Variants in TNNT3 observed in about 807,000 individuals in gnomAD.
The protein encoded by TNNT3 is troponin T, fast skeletal muscle.
In TNNT3, 36 loss-of-function variants were observed where a neutral mutation model predicts 54.2. That is an observed-to-expected ratio of 0.66 (90% CI 0.51 to 0.88). The LOEUF (loss-of-function observed/expected upper bound fraction) is 0.88. Ranked by LOEUF, TNNT3 falls within the 40% of genes least tolerant of loss-of-function variation. The probability of loss-of-function intolerance (pLI) is 0.00; values close to 1 mark genes in which losing one functional copy is unlikely to be tolerated. For missense variants in TNNT3, 291 were observed against 331.6 expected (o/e 0.88, Z 0.95); for synonymous variants, 120 against 109.7 (o/e 1.09, Z -0.59).
intron 7 of TNNT3, among the ~76,000 whole-genome samples, chr11:1,929,427 C>T (rs72846734): frequency 0.033 from 5,035 of 152,306 alleles, 121 homozygotes; most frequent in East Asian, 0.11. Context: ...GGGCCGGGCA[C>T]GCCCCCCTCC....
chr11:1,923,000 C>A, intron 2 of TNNT3, 48 bp from the exon 3 acceptor site: 5 of 1,613,702 alleles, frequency 3.1e-6, no homozygotes, highest in South Asian at 1.1e-5. Context: ...CAAAGCCCAG[C>A]CTCACTACCT....
At chr11:1,936,812 G>T in intron 14 of TNNT3, 151 bp from the exon 15 acceptor site, 1 of 778,324 alleles carries the variant, frequency 1.3e-6, no homozygotes, top group South Asian at 1.5e-5. Flanking sequence ...AAGGAGCCAG[G>T]AGACAGTAAG....
chr11:1,936,864 G>A (rs557390516), intron 14 of TNNT3, 99 bp from the exon 15 acceptor site: 23 of 1,310,170 alleles, frequency 1.8e-5, no homozygotes, highest in South Asian at 1.3e-4. Context: ...GCCCTGGGTC[G>A]CGCAGCCCAG....
chr11:1,934,886 GT>G lies in TNNT3; in HGVS notation c.651del (p.Phe217LeufsTer5). The part of the protein sequence containing the change: ...LHQLEIDKFE[F>X]GEKLKRQKYD... ...ACCAGCTGGAGATTGACAAGTTCGA[GT>G]TTGGGGAGAAGCTGAAACGCCAGAA... On this transcript the variant is annotated frameshift_variant, in exon 14 of 16. Coordinates refer to ENST00000278317, the MANE Select transcript of TNNT3 (RefSeq NM_006757.4). LOFTEE classifies it high-confidence loss of function. 6.2e-7 allele frequency: 1 copy of G among 1,613,664 alleles called. No individual in the cohort carries two copies. Among genetic ancestry groups the G allele is most frequent in the South Asian group, 1.1e-5 (1 of 91,092 alleles).
At chr11:1,934,259 G>T (rs557509015) in intron 11 of TNNT3, 73 bp from the exon 12 acceptor site, 17 of 1,394,988 alleles carry the variant, frequency 1.2e-5, no homozygotes, top group African/African-American at 2.8e-5. Flanking sequence ...GCCCAGGGTG[G>T]GTCCCTAAAG....
chr11:1,936,194 A>G, intron 14 of TNNT3: 1 of 1,613,760 alleles, frequency 6.2e-7, no homozygotes, highest in East Asian at 2.2e-5. Context: ...CCAGCCTTGT[A>G]ACCATCTTGG....
At chr11:1,922,096 G>A (rs1164691447) in intron 1 of TNNT3, among the ~76,000 whole-genome samples, 2 of 151,652 alleles carry the variant, frequency 1.3e-5, no homozygotes, top group Admixed American at 6.5e-5. Flanking sequence ...CTTGTACAGA[G>A]CCCGGCCCGG....
At chr11:1,936,340 C>T (rs1274240363) in intron 14 of TNNT3, 13 of 1,471,444 alleles carry the variant, frequency 8.8e-6, no homozygotes, top group Non-Finnish European at 5.7e-6. Flanking sequence ...AAACCTGGAT[C>T]GCTCAGGATG....
chr11:1,920,700 A>G (rs2058860537), intron 1 of TNNT3, among the ~76,000 whole-genome samples: 1 of 152,094 alleles, frequency 6.6e-6, no homozygotes, highest in Non-Finnish European at 1.5e-5. Flanking sequence ...GGTGATGCAT[A>G]CGTGCCCGAA....
intron 5 of TNNT3, 91 bp downstream of exon 5, chr11:1,925,207 G>C (rs775959795): frequency 7.1e-7 from 1 of 1,416,226 alleles, no homozygotes; most frequent in Admixed American, 1.8e-5. Context: ...TCTAAGGATT[G>C]CTGTGTGCCC....
In TNNT3 at chr11:1,932,503, G is replaced by A. The variant is rs759236568; in HGVS notation, c.160G>A (p.Val54Met). Residue 54 changes from valine (V) to methionine (M), a missense_variant, in exon 9 of 16, where the codon GTG becomes ATG. Physicochemically the swap from Val to Met is conservative, Grantham distance 21. Transcript: ENST00000278317. ...TCCTAAGATCCCAGAAGGGGAGAAA[G>A]TGGACTTCGATGTAAGTTTACAGGA... ...TAPKIPEGEK[V>M]DFDDIQKKRQ... is the part of the protein sequence containing the mutation. 1 of 1,613,878 alleles carries A rather than the reference G, an allele frequency of 6.2e-7. No homozygotes were observed. The highest frequency in any genetic ancestry group is 8.5e-7 in the Non-Finnish European group (1 of 1,179,986).
rs1386707619 is a variant in TNNT3, at chr11:1,920,496, C to T, written c.-19+734C>T. ...CCACCCACCCTCCCTGCCCTGGACA[C>T]GGTCCCCCTGACTTGTGCCGTCTGA... is the stretch of plus-strand genomic sequence containing the variant. On this transcript the variant is annotated intron_variant, in intron 1 of 15. Coordinates refer to ENST00000278317, the MANE Select transcript of TNNT3 (RefSeq NM_006757.4). Among the ~76,000 whole-genome samples the T allele has an allele frequency of 4.9e-5, 7 of 144,122 alleles. No homozygotes were observed. In the South Asian group the frequency reaches 6.6e-4, roughly 14 times the overall value. The allele number at this position is 144,122 out of a possible 152,430, so 94.5% of individuals were successfully genotyped here.
At chr11:1,931,747 C>T (rs1427932175) in intron 8 of TNNT3, among the ~76,000 whole-genome samples, 22 of 129,858 alleles carry the variant, frequency 1.7e-4, no homozygotes, top group African/African-American at 5.7e-4. Flanking sequence ...CACATACATA[C>T]GTTTTTCATT....
At chr11:1,926,899 T>C (rs1851773974) in intron 6 of TNNT3, among the ~76,000 whole-genome samples, 190 bp downstream of exon 6, 1 of 152,192 alleles carries the variant, frequency 6.6e-6, no homozygotes, top group Non-Finnish European at 1.5e-5. Flanking sequence ...AGGCTTCCTC[T>C]GTGTCTCCCA....
chr11:1,929,757 T>A, intron 7 of TNNT3, 53 bp from the exon 8 acceptor site: 1 of 1,549,428 alleles, frequency 6.5e-7, no homozygotes, highest in Non-Finnish European at 8.7e-7. Context: ...GCTGTCTCTC[T>A]CCCTCTCCCC....
intron 6 of TNNT3, 72 bp from the exon 7 acceptor site, chr11:1,929,048 T>A (rs1284351956): frequency 3.2e-6 from 5 of 1,575,134 alleles, no homozygotes; most frequent in Non-Finnish European, 4.4e-6. Flanking sequence ...ACAGGCCCCT[T>A]GCCCACTGCT....
intron 8 of TNNT3, among the ~76,000 whole-genome samples, chr11:1,932,062 A>C (rs1853541440): frequency 1.3e-5 from 2 of 152,174 alleles, no homozygotes. Context: ...GGGGAAAGGC[A>C]CAGGCTCGCA....
At position 1,929,163 on chromosome 11, in the gene TNNT3, G is replaced by A. The variant is rs372199645; in HGVS notation, c.106+20G>A. The A allele has an allele frequency of 5.3e-5, 86 of 1,612,052 alleles. No individual in the cohort carries two copies. Among genetic ancestry groups the A allele is most frequent in the African/African-American group, 6.7e-5 (5 of 74,922 alleles). On this transcript the variant is annotated intron_variant, in intron 7 of 15. Transcript: ENST00000278317. ...CGGAAGGTAAGGGCCCGTCCCTGCC[G>A]CCGGAGGTGCAGGACCCTGGCTCTA...
At position 1,934,891 on chromosome 11, in the gene TNNT3, G is replaced by C; in HGVS notation, c.653G>C (p.Gly218Ala). 4 of 1,613,626 alleles carry C rather than the reference G, an allele frequency of 2.5e-6. No individual in the cohort carries two copies. The highest frequency in any genetic ancestry group is 3.4e-6 in the Non-Finnish European group (4 of 1,180,030). ...CTGGAGATTGACAAGTTCGAGTTTG[G>C]GGAGAAGCTGAAACGCCAGAAATAT... Reference protein sequence around the residue: ...HQLEIDKFEFGEKLKRQKYDI... With the variant: ...HQLEIDKFEFAEKLKRQKYDI... Residue 218 changes from glycine to alanine, a missense_variant, in exon 14 of 16, where the codon GGG becomes GCG. By Grantham distance (60) the Gly-to-Ala change is moderately conservative (BLOSUM62 0). Coordinates refer to ENST00000278317, the MANE Select transcript of TNNT3 (RefSeq NM_006757.4).
Sources: gnomAD v4.1 joint callset for allele counts (sites outside exome capture counted in the v4.1 genomes callset) on GRCh38, gnomAD v4.1.1 for gene constraint, MANE v1.5 for transcripts, NCBI Gene and HGNC (gene_info 2026-07-23, HGNC 2026-07-21) for gene names.